MPC1: variants seen among roughly 807,000 people sequenced by gnomAD.
MPC1 encodes the protein mitochondrial pyruvate carrier 1, also known as HSPC040 protein.
A neutral mutation model predicts 13.9 loss-of-function variants in MPC1; 6 were observed. The ratio of observed to expected loss-of-function variants is 0.43; its 90% CI spans 0.24 to 0.85. The LOEUF (loss-of-function observed/expected upper bound fraction) is 0.85, where lower values mean the gene tolerates loss of function less well. MPC1 is among the 40% of genes least tolerant of loss of function. The pLI is 0.24. For missense variants in MPC1, 115 were observed against 143.3 expected (o/e 0.80, Z 1.01); for synonymous variants, 47 against 50.5 (o/e 0.93, Z 0.29).
At chr6:166,380,799 C>T (rs1326159348) in intron 1 of MPC1, among the ~76,000 whole-genome samples, 1 of 151,468 alleles carries the variant, frequency 6.6e-6, no homozygotes, top group Non-Finnish European at 1.5e-5. Flanking sequence ...ATTAGCCTGG[C>T]GTGGTGGTGC....
At chr6:166,369,179 G>A (rs1018624756) in intron 2 of MPC1, among the ~76,000 whole-genome samples, 6 of 152,144 alleles carry the variant, frequency 3.9e-5, no homozygotes, top group Admixed American at 1.3e-4. Flanking sequence ...TGAGGCAGGC[G>A]GATCATGAGG....
At chr6:166,382,412 G>C (rs1779828072) in intron 1 of MPC1, among the ~76,000 whole-genome samples, 1 of 148,464 alleles carries the variant, frequency 6.7e-6, no homozygotes, top group African/African-American at 2.5e-5. Context: ...CTCCCTGAAG[G>C]GGACTCAATG....
Position 166,365,917 on chromosome 6 carries a change from C to A in MPC1, c.305+57G>T. The A allele has an allele frequency of 6.3e-7, 1 of 1,588,716 alleles. No homozygotes were observed. The highest frequency in any genetic ancestry group is 8.6e-7 in the Non-Finnish European group (1 of 1,163,920). ...TCCCTCAGAAAAGATTTTAGTTTCA[C>A]TCTCCCCAATTCCTCAAATTCCTGA... On this transcript the variant is annotated intron_variant, in intron 4 of 4. Transcript: ENST00000360961. This position sits in a 1 kb window ranked among gnomAD's most constrained non-coding sequence, Gnocchi z 4.2.
rs1275635010 is a variant in MPC1 at position 166,365,210 on chromosome 6, T to C, written c.*219A>G. ...CAGAAATTATTAAATTAATTGCATATTTTGAGCTACTCTTTATGGAAAGAA... is the reference window on the plus strand; with the variant it reads ...CAGAAATTATTAAATTAATTGCATACTTTGAGCTACTCTTTATGGAAAGAA... On this transcript the variant is annotated 3_prime_UTR_variant, in exon 5 of 5. Coordinates refer to ENST00000360961, the MANE Select transcript of MPC1 (RefSeq NM_016098.4). The surrounding 1 kb of genome is among the most constrained non-coding windows in gnomAD (Gnocchi z 4.2). The C allele has an allele frequency of 1.8e-5, 7 of 396,260 alleles. No homozygotes were observed. Among genetic ancestry groups the C allele is most frequent in the Non-Finnish European group, 3.1e-5 (7 of 224,614 alleles). The allele number at this position is 396,260 out of a possible 1,614,324, so 24.5% of individuals were successfully genotyped here. A position where few individuals can be genotyped will look rare whatever the true frequency, so the allele number is the denominator to read the frequency against.
intron 3 of MPC1, 75 bp from the exon 4 acceptor site, chr6:166,366,181 C>T: frequency 6.6e-7 from 1 of 1,523,160 alleles, no homozygotes. Context: ...CAGAGATGAA[C>T]AGTTCCATTG....
chr6:166,382,639 G>T (rs1779844266), intron 1 of MPC1, among the ~76,000 whole-genome samples, 167 bp downstream of exon 1: 1 of 152,196 alleles, frequency 6.6e-6, no homozygotes, highest in Non-Finnish European at 1.5e-5. Flanking sequence ...GTCCGGGAGG[G>T]ATCCGGGTGG....
intron 1 of MPC1, among the ~76,000 whole-genome samples, chr6:166,376,565 G>A (rs1779577415): frequency 6.6e-6 from 1 of 152,196 alleles, no homozygotes; most frequent in Non-Finnish European, 1.5e-5. Flanking sequence ...TGATTCAAAT[G>A]CCAATCTCTT....
chr6:166,368,759 G>A, intron 2 of MPC1: 2 of 984,842 alleles, frequency 2.0e-6, no homozygotes, highest in Non-Finnish European at 2.4e-6. Flanking sequence ...CCTGTTATTG[G>A]GTGTCACTTC....
At chr6:166,373,324 C>T (rs751396731) in intron 1 of MPC1, among the ~76,000 whole-genome samples, 2 of 152,208 alleles carry the variant, frequency 1.3e-5, no homozygotes, top group Non-Finnish European at 2.9e-5. Context: ...ACCGATCTTT[C>T]GACTAGCTCC....
At chr6:166,368,659 TG>T in intron 2 of MPC1, 1 of 597,764 alleles carries the variant, frequency 1.7e-6, no homozygotes, top group African/African-American at 2.0e-5. Flanking sequence ...AGATGCAATA[TG>T]GCCAGTTTTC....
intron 1 of MPC1, among the ~76,000 whole-genome samples, chr6:166,377,730 T>C (rs1779621454): frequency 6.6e-6 from 1 of 152,218 alleles, no homozygotes; most frequent in Non-Finnish European, 1.5e-5. Context: ...GAATTTGTGA[T>C]ATTCAGCTAT....
intron 1 of MPC1, among the ~76,000 whole-genome samples, chr6:166,380,135 T>C (rs1779713840): frequency 6.6e-6 from 1 of 152,256 alleles, no homozygotes; most frequent in Admixed American, 6.5e-5. Context: ...TCACACAAGA[T>C]TTTAACTTTC....
chr6:166,366,944 T>C, intron 2 of MPC1, 53 bp from the exon 3 acceptor site: 1 of 1,612,132 alleles, frequency 6.2e-7, no homozygotes, highest in Middle Eastern at 1.7e-4. Context: ...AAGACAGAAC[T>C]ATAAACAGCT....
At position 166,365,384 on chromosome 6, in the gene MPC1, C is replaced by A; in HGVS notation, c.*45G>T. On this transcript the variant is annotated 3_prime_UTR_variant, in exon 5 of 5. Coordinates refer to ENST00000360961, the MANE Select transcript of MPC1 (RefSeq NM_016098.4). This position sits in a 1 kb window ranked among gnomAD's most constrained non-coding sequence, Gnocchi z 4.2. The stretch of plus-strand genomic sequence containing the variant: ...AATGAAATCTGTGACTCAGCAGCAG[C>A]TGGCAATGCTGTCCCTTCAAGACCT... The A allele has an allele frequency of 6.8e-7, 1 of 1,475,920 alleles. No individual in the cohort carries two copies. The highest frequency in any genetic ancestry group is 1.4e-5 in the African/African-American group (1 of 69,690). 91.4% of individuals were successfully genotyped at this position (1,475,920 alleles called of 1,614,324 possible).
intron 1 of MPC1, among the ~76,000 whole-genome samples, chr6:166,374,372 T>C (rs1779496635): frequency 6.6e-6 from 1 of 152,176 alleles, no homozygotes; most frequent in African/African-American, 2.4e-5. Flanking sequence ...TATTTTCTCA[T>C]ATATTATCTT....
chr6:166,375,328 C>T (rs1186876209), intron 1 of MPC1, among the ~76,000 whole-genome samples: 1 of 152,140 alleles, frequency 6.6e-6, no homozygotes, highest in East Asian at 1.9e-4. Context: ...TGAAACTTTC[C>T]ACTTAATATT....
Position 166,377,138 on chromosome 6 carries a change from T to A in MPC1, c.71+5668A>T, listed in dbSNP as rs866369796. On this transcript the variant is annotated intron_variant, in intron 1 of 4. Coordinates refer to ENST00000360961, the MANE Select transcript of MPC1 (RefSeq NM_016098.4). ...ATATCAGTTATAATTACTATTATTA[T>A]TATTTATTCTTTTTTTTTTTTTTTG... Among the ~76,000 whole-genome samples, 54 of 140,952 alleles carry A rather than the reference T, an allele frequency of 3.8e-4. 1 individual carries two copies. Among genetic ancestry groups the A allele is most frequent in the Admixed American group, 1.3e-3 (16 of 12,594 alleles). The allele number at this position is 140,952 out of a possible 152,430, so 92.5% of individuals were successfully genotyped here.
rs1014098927 is a variant in MPC1, at chr6:166,382,654, C to T, written c.71+152G>A. 4.0e-6 allele frequency: 3 copies of T among 756,468 alleles called. No individual in the cohort carries two copies. In the South Asian group the frequency reaches 6.5e-5, roughly 16 times the overall value. 46.9% of individuals were successfully genotyped at this position (756,468 alleles called of 1,614,324 possible). A position where few individuals can be genotyped will look rare whatever the true frequency, so the allele number is the denominator to read the frequency against. On this transcript the variant is annotated intron_variant, in intron 1 of 4. Transcript: ENST00000360961. ...GTCCGGGAGGGATCCGGGTGGGGCC[C>T]CCCTGACAAGCGCACCCTCTCGCCT...
At chr6:166,371,110 G>A (rs1583062534) in intron 1 of MPC1, among the ~76,000 whole-genome samples, 1 of 152,180 alleles carries the variant, frequency 6.6e-6, no homozygotes, top group East Asian at 1.9e-4. Flanking sequence ...CACAGCTTTC[G>A]AGGAAATATT....
Sources: gnomAD v4.1 joint callset for allele counts (sites outside exome capture counted in the v4.1 genomes callset) on GRCh38, gnomAD v4.1.1 for gene constraint, Gnocchi (gnomAD v3.1) non-coding constraint, MANE v1.5 for transcripts, NCBI Gene and HGNC (gene_info 2026-07-23, HGNC 2026-07-21) for gene names.